Variants in ST3GAL4 observed in about 807,000 individuals in gnomAD.
ST3GAL4 encodes the protein ST3 beta-galactoside alpha-2,3-sialyltransferase 4, also known as CMP-N-acetylneuraminate-beta-galactosamide-alpha-2,3-sialyltransferase 4.
In ST3GAL4, 24 loss-of-function variants were observed where a neutral mutation model predicts 42.6. The observed-to-expected ratio is 0.56, with a 90% CI of 0.41 to 0.79. ST3GAL4 has a LOEUF of 0.79. ST3GAL4 is among the 30% of genes least tolerant of loss of function. The pLI is 0.00. For synonymous variants in ST3GAL4, 135 were observed against 163.2 expected (o/e 0.83, Z 1.32); for missense variants, 311 against 430.8 (o/e 0.72, Z 2.46).
chr11:126,365,478 C>T (rs1271986698), intron 1 of ST3GAL4, among the ~76,000 whole-genome samples: 1 of 152,190 alleles, frequency 6.6e-6, no homozygotes, highest in East Asian at 1.9e-4. Context: ...TTTAGTGTCT[C>T]TGCCCTGGGA....
Position 126,410,487 on chromosome 11 carries a change from G to T in ST3GAL4, c.771+1076G>T, listed in dbSNP as rs768262100. ...TCAGATCCTTGTTTTTCTTGCCTGT[G>T]TGGTGGGATAATATCCATAATGACC... On this transcript the variant is annotated intron_variant, in intron 9 of 10. Coordinates refer to ENST00000444328, the MANE Select transcript of ST3GAL4 (RefSeq NM_001254757.2). The surrounding 1 kb of genome is among the most constrained non-coding windows in gnomAD (Gnocchi z 5.3). Among the ~76,000 whole-genome samples the T allele has an allele frequency of 1.3e-5, 2 of 152,238 alleles. No individual in the cohort carries two copies. The highest frequency in any genetic ancestry group is 2.9e-5 in the Non-Finnish European group (2 of 68,052).
intron 1 of ST3GAL4, chr11:126,405,652 G>C (rs1316025400): frequency 5.0e-6 from 1 of 201,696 alleles, no homozygotes; most frequent in African/African-American, 2.3e-5. Flanking sequence ...GGATGGTGGA[G>C]AATAGGTGAC....
Position 126,410,574 on chromosome 11 carries a change from C to T in ST3GAL4, c.771+1163C>T, listed in dbSNP as rs111455028. On this transcript the variant is annotated intron_variant, in intron 9 of 10. Transcript: ENST00000444328. The surrounding 1 kb of genome is among the most constrained non-coding windows in gnomAD (Gnocchi z 5.3). ...GATGTAAAATACCTATTCTGGAGAC[C>T]GGTACACAGGGCCTGCCCTTTAAAT... 6.2e-4 allele frequency among the ~76,000 whole-genome samples: 95 copies of T among 152,276 alleles called. 1 individual carries two copies. The highest frequency in any genetic ancestry group is 2.0e-3 in the Admixed American group (30 of 15,296).
At position 126,383,286 on chromosome 11, in the gene ST3GAL4, T is replaced by C. The variant is rs1444929828; in HGVS notation, c.-60-22810T>C. Among the ~76,000 whole-genome samples the C allele has an allele frequency of 6.6e-6, 1 of 152,072 alleles. No individual in the cohort carries two copies. The highest frequency in any genetic ancestry group is 1.5e-5 in the Non-Finnish European group (1 of 67,992). ...TTTCCGTGACTTTGGAGGAACGAGG[T>C]TCCTGAGGGCTGGCACAGCCACTCC... On this transcript the variant is annotated intron_variant, in intron 1 of 10. Transcript: ENST00000444328. The surrounding 1 kb of genome is among the most constrained non-coding windows in gnomAD (Gnocchi z 4.5).
rs1451825229 is a variant in ST3GAL4, at chr11:126,410,963, G to T, written c.771+1552G>T. 6.6e-6 allele frequency among the ~76,000 whole-genome samples: 1 copy of T among 152,200 alleles called. No individual in the cohort carries two copies. Among genetic ancestry groups the T allele is most frequent in the Non-Finnish European group, 1.5e-5 (1 of 68,030 alleles). On this transcript the variant is annotated intron_variant, in intron 9 of 10. Coordinates refer to ENST00000444328, the MANE Select transcript of ST3GAL4 (RefSeq NM_001254757.2). The surrounding 1 kb of genome is among the most constrained non-coding windows in gnomAD (Gnocchi z 5.3). ...AAGGCATTCCATTTGGCCAGAGCAG[G>T]CGGCTCCTCCAGCACTGAACTGTTT...
At chr11:126,357,194 C>A (rs1198140001) in intron 1 of ST3GAL4, among the ~76,000 whole-genome samples, 1 of 152,142 alleles carries the variant, frequency 6.6e-6, no homozygotes, top group African/African-American at 2.4e-5. Flanking sequence ...CCCTGCCCTG[C>A]TCCTGGCCCA....
intron 1 of ST3GAL4, among the ~76,000 whole-genome samples, chr11:126,357,469 G>A (rs1280093155): frequency 6.6e-6 from 1 of 152,150 alleles, no homozygotes; most frequent in Non-Finnish European, 1.5e-5. Context: ...CAACAGGGCC[G>A]CCTTCTCTGT....
rs4480556 is a variant in ST3GAL4 at position 126,384,959 on chromosome 11, C to A, written c.-60-21137C>A. ...CGCCTTGTGCCTGGGAAGGGAGGAC[C>A]AGGTGTCGCTGGCACCTTCCACGTC... On this transcript the variant is annotated intron_variant, in intron 1 of 10. Coordinates refer to ENST00000444328, the MANE Select transcript of ST3GAL4 (RefSeq NM_001254757.2). The surrounding 1 kb of genome is among the most constrained non-coding windows in gnomAD (Gnocchi z 5.5). 3 of 976,392 alleles carry A rather than the reference C, an allele frequency of 3.1e-6. No homozygotes were observed. The highest frequency in any genetic ancestry group is 3.6e-6 in the Non-Finnish European group (3 of 821,922). The allele number at this position is 976,392 out of a possible 1,614,324, so 60.5% of individuals were successfully genotyped here. A position where few individuals can be genotyped will look rare whatever the true frequency, so the allele number is the denominator to read the frequency against.
chr11:126,397,101 T>A lies in ST3GAL4; in HGVS notation c.-60-8995T>A, dbSNP rs1432097439. Among the ~76,000 whole-genome samples the A allele has an allele frequency of 6.6e-6, 1 of 152,084 alleles. No homozygotes were observed. Among genetic ancestry groups the A allele is most frequent in the Non-Finnish European group, 1.5e-5 (1 of 68,036 alleles). On this transcript the variant is annotated intron_variant, in intron 1 of 10. Transcript: ENST00000444328. The surrounding 1 kb of genome is among the most constrained non-coding windows in gnomAD (Gnocchi z 5.0). ...AGTCAGTGGTGCAGAGATTGAGAGA[T>A]CCTGGTTTCGCGTTTTGAGCGTGCA...
intron 1 of ST3GAL4, among the ~76,000 whole-genome samples, chr11:126,367,238 GCCT>G (rs1952463639): frequency 6.6e-6 from 1 of 152,208 alleles, no homozygotes; most frequent in East Asian, 1.9e-4. Flanking sequence ...CTCCCTAGAG[GCCT>G]CCTCCCCCTC....
chr11:126,390,584 G>A (rs1422561336), intron 1 of ST3GAL4, among the ~76,000 whole-genome samples: 7 of 140,048 alleles, frequency 5.0e-5, no homozygotes, highest in Non-Finnish European at 6.1e-5. Flanking sequence ...AAGTGTTTGG[G>A]TTTAATCTGT....
At chr11:126,381,460 G>A (rs1952998773) in intron 1 of ST3GAL4, among the ~76,000 whole-genome samples, 2 of 151,316 alleles carry the variant, frequency 1.3e-5, no homozygotes, top group Non-Finnish European at 2.9e-5. Context: ...AGGAGGAGGA[G>A]GTGGAGATGG....
rs1157374688 is a variant in ST3GAL4 at position 126,372,868 on chromosome 11, G to T, written c.-61+17026G>T. ...TTGGGTTGCTTCCCGATTAGCTATT[G>T]TGAATAATGCTGCTATGAACATGGG... On this transcript the variant is annotated intron_variant, in intron 1 of 10. Coordinates refer to ENST00000444328, the MANE Select transcript of ST3GAL4 (RefSeq NM_001254757.2). Among the ~76,000 whole-genome samples the T allele has an allele frequency of 2.0e-5, 3 of 152,238 alleles. No homozygotes were observed. The East Asian group carries it at 5.8e-4, about 29-fold the overall frequency.
In ST3GAL4 at chr11:126,414,017, G is replaced by A; in HGVS notation, c.972G>A (p.Met324Ile). The A allele has an allele frequency of 6.2e-7, 1 of 1,614,244 alleles. No homozygotes were observed. The highest frequency in any genetic ancestry group is 8.5e-7 in the Non-Finnish European group (1 of 1,180,040). The change falls in exon 11 of 11, where the codon ATG becomes ATA. Residue 324 changes from methionine (M) to isoleucine (I), a missense_variant. Coordinates refer to ENST00000444328, the MANE Select transcript of ST3GAL4 (RefSeq NM_001254757.2). ...EALAIKRMLE[M>I]GAIKNLTSF ...TGGCCATTAAGCGGATGCTGGAGATGGGAGCTATCAAGAACCTCACGTCCT... is the reference window on the plus strand; with the variant it reads ...TGGCCATTAAGCGGATGCTGGAGATAGGAGCTATCAAGAACCTCACGTCCT...
At chr11:126,374,868 C>T (rs978948078) in intron 1 of ST3GAL4, among the ~76,000 whole-genome samples, 9 of 152,032 alleles carry the variant, frequency 5.9e-5, no homozygotes, top group Admixed American at 5.2e-4. Flanking sequence ...AACTCCCCAG[C>T]CCGTAGCCTG....
In ST3GAL4 at chr11:126,406,276, C is replaced by T. The variant is rs1954225349; in HGVS notation, c.16+105C>T. ...GGGCTGTGGAGGGACAGACAGGGAG[C>T]CAGGGGCCCTTCTCTTCATCTTGAA... On this transcript the variant is annotated intron_variant, in intron 2 of 10. Transcript: ENST00000444328. The surrounding 1 kb of genome is among the most constrained non-coding windows in gnomAD (Gnocchi z 5.4). 16 of 1,546,902 alleles carry T rather than the reference C, an allele frequency of 1.0e-5. No homozygotes were observed. Among genetic ancestry groups the T allele is most frequent in the East Asian group, 2.4e-5 (1 of 40,888 alleles).
rs1232441492 is a variant in ST3GAL4, at chr11:126,386,946, T to G, written c.-60-19150T>G. Among the ~76,000 whole-genome samples the G allele has an allele frequency of 6.6e-6, 1 of 152,092 alleles. No individual in the cohort carries two copies. The highest frequency in any genetic ancestry group is 2.4e-5 in the African/African-American group (1 of 41,416). Reference sequence around the variant, plus strand: ...GAAGCCCTGCACCAGAGCATACAGTTTGGCAAGTAGGAGGAGGGCTGGAGC... The same window carrying G: ...GAAGCCCTGCACCAGAGCATACAGTGTGGCAAGTAGGAGGAGGGCTGGAGC... On this transcript the variant is annotated intron_variant, in intron 1 of 10. Transcript: ENST00000444328. The surrounding 1 kb of genome is among the most constrained non-coding windows in gnomAD (Gnocchi z 4.7).
chr11:126,411,151 TG>T lies in ST3GAL4; in HGVS notation c.771+1741del, dbSNP rs1954507021. Reference sequence around the variant, plus strand: ...GAGATGGACTCAACATTGTGTTGGTTGTTTTTTTTTTTGAGATGGAGTCTTG... The same window carrying T: ...GAGATGGACTCAACATTGTGTTGGTTTTTTTTTTTTTGAGATGGAGTCTTG... On this transcript the variant is annotated intron_variant, in intron 9 of 10. Coordinates refer to ENST00000444328, the MANE Select transcript of ST3GAL4 (RefSeq NM_001254757.2). The surrounding 1 kb of genome is among the most constrained non-coding windows in gnomAD (Gnocchi z 6.3). Among the ~76,000 whole-genome samples, 1 of 117,382 alleles carries T rather than the reference TG, an allele frequency of 8.5e-6. No homozygotes were observed. The highest frequency in any genetic ancestry group is 8.1e-5 in the Admixed American group (1 of 12,336). The allele number at this position is 117,382 out of a possible 152,430, so 77.0% of individuals were successfully genotyped here. A position where few individuals can be genotyped will look rare whatever the true frequency, so the allele number is the denominator to read the frequency against.
chr11:126,367,578 G>A (rs1178880433), intron 1 of ST3GAL4, among the ~76,000 whole-genome samples: 5 of 152,148 alleles, frequency 3.3e-5, no homozygotes, highest in Admixed American at 3.3e-4. Flanking sequence ...CTGAGGCTGC[G>A]GACGTTACAA....
Sources: allele counts gnomAD v4.1 joint callset (sites outside exome capture counted in the v4.1 genomes callset), GRCh38; gene constraint gnomAD v4.1.1; non-coding constraint Gnocchi (gnomAD v3.1); transcripts MANE v1.5; gene names NCBI Gene and HGNC (gene_info 2026-07-23, HGNC 2026-07-21).